Variants in APLN observed in about 807,000 individuals in gnomAD.
APLN encodes the protein apelin.
In APLN, 2 loss-of-function variants were observed where a neutral mutation model predicts 4.3. The ratio of observed to expected loss-of-function variants is 0.46; its 90% CI spans 0.19 to 1.45. APLN has a LOEUF of 1.45. APLN is among the 40% of genes most tolerant of loss of function. APLN has a pLI of 0.25. For synonymous variants in APLN, 34 were observed against 30.4 expected, an observed-to-expected ratio of 1.12 and a Z score of -0.38; for missense variants, 80 against 70.0, an observed-to-expected ratio of 1.14 and a Z score of -0.51.
At position 129,647,490 on chromosome X, in the gene APLN, C is replaced by G; in HGVS notation, c.*433G>C. Reference sequence around the variant, plus strand: ...CTTCCCTGGAGGCCAGGTGAGGGGTCCAACTGACAGGAAAACAAGGGATCT... The same window carrying G: ...CTTCCCTGGAGGCCAGGTGAGGGGTGCAACTGACAGGAAAACAAGGGATCT... On this transcript the variant is annotated 3_prime_UTR_variant, in exon 3 of 3. Coordinates refer to ENST00000429967, the MANE Select transcript of APLN (RefSeq NM_017413.5). 1 of 569,616 alleles carries G rather than the reference C, an allele frequency of 1.8e-6. No homozygotes were observed. Among genetic ancestry groups the G allele is most frequent in the Non-Finnish European group, 2.4e-6 (1 of 414,210 alleles). 46.9% of individuals were successfully genotyped at this position (569,616 alleles called of 1,213,427 possible).
At position 129,647,792 on chromosome X, in the gene APLN, G is replaced by A; in HGVS notation, c.*131C>T. 1 of 983,154 alleles carries A rather than the reference G, an allele frequency of 1.0e-6. No individual in the cohort carries two copies. The highest frequency in any genetic ancestry group is 1.3e-6 in the Non-Finnish European group (1 of 756,142). The allele number at this position is 983,154 out of a possible 1,213,427, so 81.0% of individuals were successfully genotyped here. A position where few individuals can be genotyped will look rare whatever the true frequency, so the allele number is the denominator to read the frequency against. Reference sequence around the variant, plus strand: ...GGGAAGCAGGCAGGTGAGAAGAGCTGGGCCCACTGGTGGCTACAGCAGGTG... The same window carrying A: ...GGGAAGCAGGCAGGTGAGAAGAGCTAGGCCCACTGGTGGCTACAGCAGGTG... On this transcript the variant is annotated 3_prime_UTR_variant, in exon 3 of 3. Coordinates refer to ENST00000429967, the MANE Select transcript of APLN (RefSeq NM_017413.5).
At position 129,646,245 on chromosome X, in the gene APLN, G is replaced by C. The variant is rs1293628063; in HGVS notation, c.*1678C>G. 1 of 119,224 alleles carries C rather than the reference G, an allele frequency of 8.4e-6. No homozygotes were observed. The highest frequency in any genetic ancestry group is 3.2e-5 in the African/African-American group (1 of 31,297). 9.8% of individuals were successfully genotyped at this position (119,224 alleles called of 1,213,427 possible). On this transcript the variant is annotated 3_prime_UTR_variant, in exon 3 of 3. Transcript: ENST00000429967. ...CAGCGTTAGCAGCAGCATAGGTAAA[G>C]GGGCTTGGGGGAGGTGGATAGGCAA...
rs1367266457 is a variant in APLN, at chrX:129,654,636, T to C, written c.-6A>G. The C allele has an allele frequency of 1.3e-5, 14 of 1,110,436 alleles. No homozygotes were observed. Among genetic ancestry groups the C allele is most frequent in the Admixed American group, 1.2e-4 (4 of 32,278 alleles). The allele number at this position is 1,110,436 out of a possible 1,213,427, so 91.5% of individuals were successfully genotyped here. A position where few individuals can be genotyped will look rare whatever the true frequency, so the allele number is the denominator to read the frequency against. On this transcript the variant is annotated 5_prime_UTR_variant, in exon 1 of 3. Coordinates refer to ENST00000429967, the MANE Select transcript of APLN (RefSeq NM_017413.5). ...ACGCAGAGCCGCAGATTCATGCTGCTCCTTGGGCCGCCGCGGCCCCGGCGA... is the reference window on the plus strand; with the variant it reads ...ACGCAGAGCCGCAGATTCATGCTGCCCCTTGGGCCGCCGCGGCCCCGGCGA...
rs1433447728 is a variant in APLN at position 129,647,819 on chromosome X, G to A, written c.*104C>T. The A allele has an allele frequency of 2.0e-6, 2 of 983,206 alleles. No homozygotes were observed. The highest frequency in any genetic ancestry group is 2.6e-6 in the Non-Finnish European group (2 of 756,162). The allele number at this position is 983,206 out of a possible 1,213,427, so 81.0% of individuals were successfully genotyped here. On this transcript the variant is annotated 3_prime_UTR_variant, in exon 3 of 3. Transcript: ENST00000429967. ...GCCCACTGGTGGCTACAGCAGGTGC[G>A]AGGTGAGAGCTGAATGGACGTGAGG...
intron 1 of APLN, among the ~76,000 whole-genome samples, chrX:129,653,754 C>T (rs1412862237): frequency 1.8e-5 from 2 of 112,551 alleles, no homozygotes; most frequent in Non-Finnish European, 3.8e-5. Context: ...GCTGTGCTTC[C>T]TCCTTTGGTG....
At chrX:129,651,420 T>C (rs1257694310) in intron 1 of APLN, among the ~76,000 whole-genome samples, 3 of 112,133 alleles carry the variant, frequency 2.7e-5, no homozygotes, top group Non-Finnish European at 3.8e-5. Context: ...AGGAACAAAT[T>C]AGAGGCTGTT....
At chrX:129,648,501 G>A (rs1936955120) in intron 2 of APLN, 120 bp downstream of exon 2, 1 of 860,574 alleles carries the variant, frequency 1.2e-6, no homozygotes, top group Admixed American at 3.9e-5. Context: ...CTCTGTGAGT[G>A]TGGCGCCAGG....
chrX:129,654,804 C>T lies in APLN; in HGVS notation c.-174G>A, dbSNP rs1333087699. On this transcript the variant is annotated 5_prime_UTR_variant, in exon 1 of 3. Coordinates refer to ENST00000429967, the MANE Select transcript of APLN (RefSeq NM_017413.5). ...CCCCGCCGCTCCCGCTGGCCGCCTCCGCTCTTCTGCAGCCTCCTCTCCCGC... is the reference window on the plus strand; with the variant it reads ...CCCCGCCGCTCCCGCTGGCCGCCTCTGCTCTTCTGCAGCCTCCTCTCCCGC... 8.7e-6 allele frequency: 2 copies of T among 229,266 alleles called. No homozygotes were observed. The highest frequency in any genetic ancestry group is 7.6e-6 in the Non-Finnish European group (1 of 131,337). The allele number at this position is 229,266 out of a possible 1,213,427, so 18.9% of individuals were successfully genotyped here.
In APLN at chrX:129,647,895, G is replaced by A. The variant is rs758565609; in HGVS notation, c.*28C>T. The stretch of plus-strand genomic sequence containing the variant: ...GGAGGAGACATAACCGCCGGGGGTG[G>A]GCACTTGGGGGCCCCTTCAGTCCTA... On this transcript the variant is annotated 3_prime_UTR_variant, in exon 3 of 3. Coordinates refer to ENST00000429967, the MANE Select transcript of APLN (RefSeq NM_017413.5). 207 of 981,074 alleles carry A rather than the reference G, an allele frequency of 2.1e-4. No individual in the cohort carries two copies. Among genetic ancestry groups the A allele is most frequent in the Non-Finnish European group, 2.5e-4 (186 of 755,759 alleles). The allele number at this position is 981,074 out of a possible 1,213,427, so 80.9% of individuals were successfully genotyped here. A position where few individuals can be genotyped will look rare whatever the true frequency, so the allele number is the denominator to read the frequency against.
rs944782798 is a variant in APLN, at chrX:129,649,878, G to A, written c.68-1086C>T. On this transcript the variant is annotated intron_variant, in intron 1 of 2. Coordinates refer to ENST00000429967, the MANE Select transcript of APLN (RefSeq NM_017413.5). The stretch of plus-strand genomic sequence containing the variant: ...GTGGTGCAGGGTATCCTTGGGTGCA[G>A]TGAGGGAAAAGGCATGCAGGCCGAC... Among the ~76,000 whole-genome samples, 6 of 111,558 alleles carry A rather than the reference G, an allele frequency of 5.4e-5. No individual in the cohort carries two copies. The South Asian group carries it at 2.3e-3, about 42-fold the overall frequency.
intron 1 of APLN, among the ~76,000 whole-genome samples, chrX:129,650,406 C>G (rs5977127): frequency 9.0e-6 from 1 of 110,899 alleles, no homozygotes; most frequent in East Asian, 2.8e-4. Context: ...GCCCTCTTCC[C>G]CCAGGCTTCT....
Position 129,648,687 on chromosome X carries a change from C to T in APLN, c.173G>A (p.Gly58Asp), listed in dbSNP as rs772053757. The change falls in exon 2 of 3, where the codon GGT (glycine) becomes GAT (aspartate). Residue 58 changes from glycine to aspartate, a missense_variant. Transcript: ENST00000429967. ...CCGCTGGCGGCGGAATTTCCTCCGA[C>T]CTCCCTGCCAGGGCCCTGGCCCATT... ...SRNGPGPWQG[G>D]RRKFRRQRPR... 8.4e-7 allele frequency: 1 copy of T among 1,186,574 alleles called. No individual in the cohort carries two copies. The highest frequency in any genetic ancestry group is 1.1e-6 in the Non-Finnish European group (1 of 882,341).
At chrX:129,647,991 G>T in intron 2 of APLN, 74 bp from the exon 3 acceptor site, 2 of 953,561 alleles carry the variant, frequency 2.1e-6, no homozygotes, top group South Asian at 2.2e-5. Context: ...GGAAAGGAGA[G>T]GAGAGAGGAG....
intron 1 of APLN, among the ~76,000 whole-genome samples, chrX:129,651,913 G>A (rs1233485200): frequency 8.9e-6 from 1 of 111,955 alleles, no homozygotes; most frequent in South Asian, 3.8e-4. Context: ...CATCCCAGTC[G>A]CCTTCTCCAG....
rs1020163605 is a variant in APLN, at chrX:129,647,640, G to A, written c.*283C>T. The A allele has an allele frequency of 1.0e-6, 1 of 982,505 alleles. No homozygotes were observed. The highest frequency in any genetic ancestry group is 1.3e-6 in the Non-Finnish European group (1 of 755,708). The allele number at this position is 982,505 out of a possible 1,213,427, so 81.0% of individuals were successfully genotyped here. The stretch of plus-strand genomic sequence containing the variant: ...GGGACTAGGGCGGAGGGGACCTGGA[G>A]AAGAAGGGAGGCTTTCTGGGGCTAG... On this transcript the variant is annotated 3_prime_UTR_variant, in exon 3 of 3. Coordinates refer to ENST00000429967, the MANE Select transcript of APLN (RefSeq NM_017413.5).
intron 1 of APLN, among the ~76,000 whole-genome samples, chrX:129,654,214 C>A (rs764260127): frequency 1.8e-5 from 2 of 113,436 alleles, no homozygotes; most frequent in Non-Finnish European, 3.8e-5. Context: ...CACGAGGGAG[C>A]GGGCATGTCC....
At position 129,645,806 on chromosome X, in the gene APLN, C is replaced by A. The variant is rs41462146; in HGVS notation, c.*2117G>T. ...CATGACCTCCAAGAGTAAGGGCGAA[C>A]TGTCAGCTTTTAACTGTTTATTATA... On this transcript the variant is annotated 3_prime_UTR_variant, in exon 3 of 3. Transcript: ENST00000429967. 7 of 112,814 alleles carry A rather than the reference C, an allele frequency of 6.2e-5. No individual in the cohort carries two copies. Among genetic ancestry groups the A allele is most frequent in the African/African-American group, 1.9e-4 (6 of 30,946 alleles). The allele number at this position is 112,814 out of a possible 1,213,427, so 9.3% of individuals were successfully genotyped here.
chrX:129,648,903 A>G (rs1936960095), intron 1 of APLN, 111 bp from the exon 2 acceptor site: 5 of 766,922 alleles, frequency 6.5e-6, no homozygotes, highest in Non-Finnish European at 9.2e-6. Context: ...CACTTCTCAT[A>G]GATTTTCTTT....
chrX:129,650,376 T>A (rs1442415973), intron 1 of APLN, among the ~76,000 whole-genome samples: 1 of 110,939 alleles, frequency 9.0e-6, no homozygotes, highest in Non-Finnish European at 1.9e-5. Context: ...GGGCCAAAAG[T>A]GGGTGGGTTT....
Sources: allele counts gnomAD v4.1 joint callset (sites outside exome capture counted in the v4.1 genomes callset), GRCh38; gene constraint gnomAD v4.1.1; transcripts MANE v1.5; gene names NCBI Gene and HGNC (gene_info 2026-07-23, HGNC 2026-07-21).